Variants in SRGAP3 observed in about 807,000 individuals in gnomAD.
SRGAP3 encodes the protein SLIT-ROBO Rho GTPase activating protein 3, also known as SLIT-ROBO Rho GTPase-activating protein 3.
Under a neutral mutation model 121.1 loss-of-function variants are expected in SRGAP3, and 39 were observed. The observed-to-expected ratio is 0.32, with a 90% CI of 0.25 to 0.42. SRGAP3 has a LOEUF of 0.42. Among genes scored for constraint, SRGAP3 ranks in the 10% least tolerant of loss-of-function variants. The pLI is 1.00. For missense variants in SRGAP3, 1,213 were observed against 1,470.6 expected, an observed-to-expected ratio of 0.82 and a Z score of 2.86; for synonymous variants, 601 against 570.0, an observed-to-expected ratio of 1.05 and a Z score of -0.77.
At chr3:9,308,060 C>A (rs369891779) in intron 3 of SRGAP3, among the ~76,000 whole-genome samples, 1 of 152,180 alleles carries the variant, frequency 6.6e-6, no homozygotes, top group African/African-American at 2.4e-5. Flanking sequence ...GAGGCTGAGG[C>A]AGGAGAATCA....
intron 1 of SRGAP3, among the ~76,000 whole-genome samples, chr3:9,185,735 C>G (rs186793144): frequency 4.5e-4 from 69 of 152,032 alleles, no homozygotes; most frequent in African/African-American, 1.6e-3. Context: ...CAGGGTCTTA[C>G]TATGTTGCTC....
intron 3 of SRGAP3, among the ~76,000 whole-genome samples, chr3:9,294,530 T>TA (rs1269406603): frequency 1.6e-5 from 2 of 123,318 alleles, no homozygotes; most frequent in African/African-American, 2.9e-5. Context: ...AAAATAAAAG[T>TA]AAAAAAACAA....
In SRGAP3 at chr3:9,355,566, C is replaced by T. The variant is rs78694943; in HGVS notation, n.214+7274G>A. Among the ~76,000 whole-genome samples the T allele has an allele frequency of 9.9e-4, 151 of 152,304 alleles. 5 individuals are homozygous for T. In the East Asian group the frequency reaches 0.025, roughly 26 times the overall value. ...CCCTCCTGGCTATCTAAATAGCTTGCTCTGTTGTTTCATTCAGGGTCTACT... is the reference window on the plus strand; with the variant it reads ...CCCTCCTGGCTATCTAAATAGCTTGTTCTGTTGTTTCATTCAGGGTCTACT... On this transcript the variant is annotated intron_variant and non_coding_transcript_variant, in intron 1 of 3. Transcript: ENST00000490889.
intron 1 of SRGAP3, among the ~76,000 whole-genome samples, chr3:9,132,045 C>G (rs1949474650): frequency 6.6e-6 from 1 of 152,188 alleles, no homozygotes; most frequent in South Asian, 2.1e-4. Context: ...CTCACAACCA[C>G]AACCTCACCA....
At chr3:9,117,897 T>C (rs933711636) in intron 2 of SRGAP3, among the ~76,000 whole-genome samples, 1 of 152,130 alleles carries the variant, frequency 6.6e-6, no homozygotes, top group Admixed American at 6.5e-5. Flanking sequence ...GGTAAGAGAA[T>C]TGCTTGAGTC....
chr3:9,304,409 G>C (rs1447154572), intron 3 of SRGAP3, among the ~76,000 whole-genome samples: 2 of 152,164 alleles, frequency 1.3e-5, no homozygotes, highest in Non-Finnish European at 2.9e-5. Context: ...GTAGTTACAA[G>C]AACGGTAGAA....
chr3:9,088,657 G>A (rs1947602189), intron 3 of SRGAP3, among the ~76,000 whole-genome samples: 1 of 152,172 alleles, frequency 6.6e-6, no homozygotes, highest in South Asian at 2.1e-4. Context: ...TTGAGAAATA[G>A]TACCTTGGAA....
chr3:9,089,666 G>A (rs1236113616), intron 3 of SRGAP3, among the ~76,000 whole-genome samples: 1 of 152,040 alleles, frequency 6.6e-6, no homozygotes, highest in Non-Finnish European at 1.5e-5. Context: ...GCTCTGCTAG[G>A]AATAAACCAG....
At chr3:9,279,171 C>G (rs1039619097) in intron 3 of SRGAP3, among the ~76,000 whole-genome samples, 1 of 152,148 alleles carries the variant, frequency 6.6e-6, no homozygotes. Context: ...ACTTCTTTCT[C>G]CTAGCAAAAG....
Position 8,985,026 on chromosome 3 carries a change from A to T in SRGAP3, c.*493T>A. 1 of 228,808 alleles carries T rather than the reference A, an allele frequency of 4.4e-6. No individual in the cohort carries two copies. Among genetic ancestry groups the T allele is most frequent in the Non-Finnish European group, 8.7e-6 (1 of 115,066 alleles). The allele number at this position is 228,808 out of a possible 1,614,324, so 14.2% of individuals were successfully genotyped here. On this transcript the variant is annotated 3_prime_UTR_variant, in exon 22 of 22. Coordinates refer to ENST00000383836, the MANE Select transcript of SRGAP3 (RefSeq NM_014850.4). This position sits in a 1 kb window ranked among gnomAD's most constrained non-coding sequence, Gnocchi z 5.1. ...AGGTAAATCTAAGTTTCATAAAAAG[A>T]AAAAGGAGATACTATATACACTTAG... is the stretch of plus-strand genomic sequence containing the variant.
intron 1 of SRGAP3, chr3:9,192,930 G>T: frequency 6.4e-6 from 1 of 155,252 alleles, no homozygotes; most frequent in Non-Finnish European, 1.4e-5. Context: ...ATGGATGGGG[G>T]AGCTGAGGGA....
At chr3:9,169,889 T>A (rs1270017763) in intron 1 of SRGAP3, among the ~76,000 whole-genome samples, 2 of 152,170 alleles carry the variant, frequency 1.3e-5, no homozygotes, top group African/African-American at 4.8e-5. Flanking sequence ...CCTGCCCCAC[T>A]TTCTAGGCAA....
chr3:8,993,298 T>G (rs1258278917), intron 19 of SRGAP3, among the ~76,000 whole-genome samples: 2 of 152,222 alleles, frequency 1.3e-5, no homozygotes, highest in Non-Finnish European at 2.9e-5. Flanking sequence ...TCCTTTTTTC[T>G]CTTCTAGCTT....
At position 9,010,301 on chromosome 3, in the gene SRGAP3, C is replaced by T. The variant is rs778356917; in HGVS notation, c.2227+7G>A. Reference sequence around the variant, plus strand: ...AATCCCTTGTCCCCAGGATCCCCCTCACTCACCTTCATCGCTGGTATGAGG... The same window carrying T: ...AATCCCTTGTCCCCAGGATCCCCCTTACTCACCTTCATCGCTGGTATGAGG... On this transcript the variant is annotated splice_region_variant and intron_variant, in intron 18 of 21. Transcript: ENST00000383836. 2.5e-6 allele frequency: 4 copies of T among 1,614,048 alleles called. No individual in the cohort carries two copies. Among genetic ancestry groups the T allele is most frequent in the Non-Finnish European group, 3.4e-6 (4 of 1,180,022 alleles).
chr3:9,000,657 T>G (rs1942700203), intron 18 of SRGAP3, among the ~76,000 whole-genome samples: 1 of 152,138 alleles, frequency 6.6e-6, no homozygotes, highest in South Asian at 2.1e-4. Flanking sequence ...ATAACCCAGA[T>G]AGTTAGCAGA....
At chr3:9,028,213 T>A (rs1334358751) in intron 12 of SRGAP3, 6 of 1,575,598 alleles carry the variant, frequency 3.8e-6, no homozygotes, top group Non-Finnish European at 4.4e-6. Flanking sequence ...AGTAAGCAGA[T>A]CCTTCAGAGT....
intron 3 of SRGAP3, among the ~76,000 whole-genome samples, chr3:9,273,786 C>A (rs574362997): frequency 3.4e-5 from 5 of 145,216 alleles, no homozygotes; most frequent in Non-Finnish European, 7.4e-5. Context: ...AAGGGTTCAA[C>A]TTCATTTTTT....
At chr3:9,076,152 G>T (rs1257201376) in intron 4 of SRGAP3, among the ~76,000 whole-genome samples, 1 of 152,058 alleles carries the variant, frequency 6.6e-6, no homozygotes, top group African/African-American at 2.4e-5. Context: ...CCAGAAAACT[G>T]CAGCCACAGG....
intron 2 of SRGAP3, among the ~76,000 whole-genome samples, chr3:9,110,534 C>T (rs940082596): frequency 4.6e-5 from 7 of 152,248 alleles, no homozygotes; most frequent in Admixed American, 1.3e-4. Flanking sequence ...TGGGGCAGGG[C>T]CAAGCCGCGG....
Sources: gnomAD v4.1 joint callset for allele counts (sites outside exome capture counted in the v4.1 genomes callset) on GRCh38, gnomAD v4.1.1 for gene constraint, Gnocchi (gnomAD v3.1) non-coding constraint, MANE v1.5 for transcripts, NCBI Gene and HGNC (gene_info 2026-07-23, HGNC 2026-07-21) for gene names.